MBOAT1: variants seen among roughly 807,000 people sequenced by gnomAD.
MBOAT1 encodes membrane-bound glycerophospholipid O-acyltransferase 1.
A neutral mutation model predicts 64.4 loss-of-function variants in MBOAT1; 67 were observed. That is an observed-to-expected ratio of 1.04 (90% CI 0.85 to 1.27). The LOEUF is 1.27. Ranked by LOEUF, MBOAT1 falls within the 50% of genes most tolerant of loss-of-function variation. The pLI is 0.00. For synonymous variants in MBOAT1, 229 were observed against 218.9 expected, an observed-to-expected ratio of 1.05 and a Z score of -0.41; for missense variants, 563 against 604.6, an observed-to-expected ratio of 0.93 and a Z score of 0.72.
rs545101704 is a variant in MBOAT1, at chr6:20,110,182, T to G, written c.1210-433A>C. ...CCTTGGCCGCCCAAAGTGCTGGGAT[T>G]ACAGGCGTGAGCCACCGCGCCCGGC... On this transcript the variant is annotated intron_variant, in intron 11 of 12. Transcript: ENST00000324607. 4.9e-3 allele frequency among the ~76,000 whole-genome samples: 748 copies of G among 151,572 alleles called. 5 individuals carry two copies. Among genetic ancestry groups the G allele is most frequent in the Middle Eastern group, 0.028 (8 of 288 alleles).
chr6:20,118,304 C>G (rs979828372), intron 9 of MBOAT1, 133 bp downstream of exon 9: 1 of 689,336 alleles, frequency 1.5e-6, no homozygotes, highest in African/African-American at 1.8e-5. Flanking sequence ...GTCCAGTAGG[C>G]TGCTGAGCCT....
At chr6:20,162,341 G>C (rs1418855665) in intron 1 of MBOAT1, among the ~76,000 whole-genome samples, 1 of 152,068 alleles carries the variant, frequency 6.6e-6, no homozygotes, top group African/African-American at 2.4e-5. Context: ...AGGCTGCGTG[G>C]GATGCTGGGA....
intron 1 of MBOAT1, among the ~76,000 whole-genome samples, chr6:20,184,181 A>ACTCTTCCT (rs1762584345): frequency 6.6e-6 from 1 of 152,154 alleles, no homozygotes; most frequent in Non-Finnish European, 1.5e-5. Context: ...TCAAAGCAAG[A>ACTCTTCCT]GGGGCAGGAA....
intron 12 of MBOAT1, among the ~76,000 whole-genome samples, chr6:20,106,697 C>T (rs1759969084): frequency 6.6e-6 from 1 of 152,194 alleles, no homozygotes; most frequent in African/African-American, 2.4e-5. Flanking sequence ...GCTGGGATTA[C>T]AGGCATGAGC....
chr6:20,160,678 G>C (rs1294609265), intron 1 of MBOAT1, among the ~76,000 whole-genome samples: 1 of 152,162 alleles, frequency 6.6e-6, no homozygotes, highest in South Asian at 2.1e-4. Context: ...CATTCTTCCA[G>C]CACAAACAGT....
At chr6:20,157,302 G>A (rs1473096896) in intron 1 of MBOAT1, among the ~76,000 whole-genome samples, 1 of 151,896 alleles carries the variant, frequency 6.6e-6, no homozygotes, top group Non-Finnish European at 1.5e-5. Flanking sequence ...TTTAAAAAAT[G>A]GGCAGTTTAT....
chr6:20,161,888 G>C (rs1173266495), intron 1 of MBOAT1, among the ~76,000 whole-genome samples: 1 of 152,120 alleles, frequency 6.6e-6, no homozygotes, highest in Non-Finnish European at 1.5e-5. Flanking sequence ...GGGTGGGTTG[G>C]GGGGCAAAAC....
Position 20,101,929 on chromosome 6 carries a change from A to C in MBOAT1, c.*357T>G, listed in dbSNP as rs1475259029. ...AGGAGATCGAGACCATCCCGGCTAA[A>C]ACGGTGAAACCCCGTCTCTACTAAA... is the stretch of plus-strand genomic sequence containing the variant. On this transcript the variant is annotated 3_prime_UTR_variant, in exon 13 of 13. Transcript: ENST00000324607. Among the ~76,000 whole-genome samples the C allele has an allele frequency of 1.3e-5, 2 of 151,118 alleles. No homozygotes were observed. The highest frequency in any genetic ancestry group is 3.9e-4 in the East Asian group (2 of 5,158).
intron 11 of MBOAT1, among the ~76,000 whole-genome samples, chr6:20,112,651 C>T (rs895726031): frequency 4.6e-5 from 7 of 152,144 alleles, no homozygotes; most frequent in African/African-American, 1.4e-4. Flanking sequence ...TTTTGTTTCA[C>T]GAACTACGAA....
chr6:20,110,795 T>G (rs774925929), intron 11 of MBOAT1, among the ~76,000 whole-genome samples: 1 of 152,192 alleles, frequency 6.6e-6, no homozygotes, highest in Non-Finnish European at 1.5e-5. Context: ...ATCTCCAGTA[T>G]AATTTTAAGT....
At chr6:20,174,163 A>G (rs779018710) in intron 1 of MBOAT1, among the ~76,000 whole-genome samples, 10 of 152,240 alleles carry the variant, frequency 6.6e-5, no homozygotes, top group Admixed American at 1.3e-4. Context: ...TCTCATGGAC[A>G]GAAACATAGC....
intron 1 of MBOAT1, among the ~76,000 whole-genome samples, chr6:20,164,432 C>G (rs768266316): frequency 6.6e-6 from 1 of 152,128 alleles, no homozygotes; most frequent in Non-Finnish European, 1.5e-5. Context: ...TTATATACTA[C>G]TTTAAAAGAA....
chr6:20,190,838 C>T (rs1439975262), intron 1 of MBOAT1, among the ~76,000 whole-genome samples: 1 of 152,182 alleles, frequency 6.6e-6, no homozygotes, highest in Non-Finnish European at 1.5e-5. Context: ...CAATCATCAC[C>T]AGACAGCCTC....
At chr6:20,209,485 C>T (rs939671326) in intron 1 of MBOAT1, among the ~76,000 whole-genome samples, 1 of 152,148 alleles carries the variant, frequency 6.6e-6, no homozygotes, top group Non-Finnish European at 1.5e-5. Context: ...ACATACGAAG[C>T]AGAATGCTTA....
chr6:20,104,223 A>G (rs78781139), intron 12 of MBOAT1, among the ~76,000 whole-genome samples: 8 of 152,196 alleles, frequency 5.3e-5, no homozygotes, highest in Non-Finnish European at 7.3e-5. Context: ...TCAAACAACA[A>G]TGAAATTGCC....
At chr6:20,106,962 G>A (rs570746111) in intron 12 of MBOAT1, among the ~76,000 whole-genome samples, 13 of 152,190 alleles carry the variant, frequency 8.5e-5, no homozygotes, top group Non-Finnish European at 1.8e-4. Context: ...TCCTGCCTAC[G>A]CCTAGTTGTT....
chr6:20,186,089 T>C (rs1762643776), intron 1 of MBOAT1, among the ~76,000 whole-genome samples: 1 of 152,136 alleles, frequency 6.6e-6, no homozygotes, highest in South Asian at 2.1e-4. Context: ...AGGTTGAGGC[T>C]GGATGATCGC....
At chr6:20,188,253 G>A (rs1299504561) in intron 1 of MBOAT1, among the ~76,000 whole-genome samples, 3 of 152,160 alleles carry the variant, frequency 2.0e-5, no homozygotes, top group Non-Finnish European at 2.9e-5. Context: ...ATCATCATGG[G>A]AGACATGAAA....
chr6:20,183,739 A>T (rs1252636164), intron 1 of MBOAT1, among the ~76,000 whole-genome samples: 1 of 152,220 alleles, frequency 6.6e-6, no homozygotes, highest in Non-Finnish European at 1.5e-5. Context: ...TGCCAGCCCC[A>T]AAATGCCATT....
Sources: allele counts gnomAD v4.1 joint callset (sites outside exome capture counted in the v4.1 genomes callset), GRCh38; gene constraint gnomAD v4.1.1; transcripts MANE v1.5; gene names NCBI Gene and HGNC (gene_info 2026-07-23, HGNC 2026-07-21).